The following SFMBT2 variants were observed in gnomAD, a reference collection of about 807,000 sequenced individuals.
The protein encoded by SFMBT2 is scm-like with four MBT domains protein 2.
A neutral mutation model predicts 110.1 loss-of-function variants in SFMBT2; 38 were observed. The ratio of observed to expected loss-of-function variants is 0.35; its 90% CI spans 0.27 to 0.45. SFMBT2 has a LOEUF of 0.45. SFMBT2 is among the 20% of genes least tolerant of loss of function. SFMBT2 has a pLI of 1.00. For missense variants in SFMBT2, 1,011 were observed against 1,094.9 expected, an observed-to-expected ratio of 0.92 and a Z score of 1.08; for synonymous variants, 425 against 425.4, an observed-to-expected ratio of 1.00 and a Z score of 0.01.
At chr10:7,252,157 C>G (rs1201358399) in intron 7 of SFMBT2, among the ~76,000 whole-genome samples, 1 of 152,222 alleles carries the variant, frequency 6.6e-6, no homozygotes, top group Non-Finnish European at 1.5e-5. Flanking sequence ...CAAATCCACA[C>G]CCATCTTTTA....
chr10:7,252,214 C>T (rs562654945), intron 7 of SFMBT2, among the ~76,000 whole-genome samples: 3 of 152,288 alleles, frequency 2.0e-5, no homozygotes, highest in African/African-American at 4.8e-5. Flanking sequence ...CATAGCTCCC[C>T]GTGCTGTGTG....
chr10:7,211,840 G>A (rs1054226893), intron 11 of SFMBT2, among the ~76,000 whole-genome samples: 66 of 152,274 alleles, frequency 4.3e-4, no homozygotes, highest in African/African-American at 1.5e-3. Flanking sequence ...GCCAGTTACG[G>A]AAAAACTTAA....
chr10:7,200,276 G>A (rs918735099), intron 14 of SFMBT2, 138 bp downstream of exon 14: 14 of 595,650 alleles, frequency 2.4e-5, no homozygotes, highest in African/African-American at 1.5e-4. Context: ...GTAGGTATCC[G>A]TTCCTGAGTG....
At position 7,339,428 on chromosome 10, in the gene SFMBT2, A is replaced by T. The variant is rs77901511; in HGVS notation, c.436+28221T>A. Among the ~76,000 whole-genome samples the T allele has an allele frequency of 2.7e-3, 409 of 152,308 alleles. 3 individuals carry two copies. The highest frequency in any genetic ancestry group is 9.0e-3 in the African/African-American group (375 of 41,566). On this transcript the variant is annotated intron_variant, in intron 4 of 20. Coordinates refer to ENST00000397167, the MANE Select transcript of SFMBT2 (RefSeq NM_001387889.1). Reference sequence around the variant, plus strand: ...TGGATATGTTCTTAACATCAGAAAAATGCTAAGAGCTGAAGATACTTCTTT... The same window carrying T: ...TGGATATGTTCTTAACATCAGAAAATTGCTAAGAGCTGAAGATACTTCTTT...
chr10:7,249,162 A>C, intron 7 of SFMBT2: 6 of 572,126 alleles, frequency 1.0e-5, no homozygotes, highest in Non-Finnish European at 1.3e-5. Context: ...AGGGGTACTC[A>C]AGATCCCATG....
chr10:7,205,961 A>G (rs1484412116), intron 11 of SFMBT2, 33 bp from the exon 12 acceptor site: 2 of 1,611,840 alleles, frequency 1.2e-6, no homozygotes, highest in Non-Finnish European at 1.7e-6. Flanking sequence ...AAGAGGTACA[A>G]ACAGATCTTA....
chr10:7,178,119 C>T (rs575857408), intron 16 of SFMBT2, among the ~76,000 whole-genome samples: 69 of 152,324 alleles, frequency 4.5e-4, no homozygotes, highest in Non-Finnish European at 4.3e-4. Flanking sequence ...AAGGCTCATT[C>T]CTCCGGTGGT....
intron 3 of SFMBT2, 56 bp downstream of exon 3, chr10:7,370,225 G>T (rs1845024494): frequency 1.3e-6 from 2 of 1,494,364 alleles, no homozygotes; most frequent in African/African-American, 2.8e-5. Flanking sequence ...TCTCCCTATA[G>T]ATTCCTTCCC....
chr10:7,381,737 T>C (rs1845428030), intron 2 of SFMBT2, 62 bp downstream of exon 2: 1 of 1,540,524 alleles, frequency 6.5e-7, no homozygotes, highest in Non-Finnish European at 8.9e-7. Context: ...TCCTGAATAC[T>C]TTCAGGAAGA....
Position 7,181,315 on chromosome 10 carries a change from T to G in SFMBT2, c.1809-5150A>C, listed in dbSNP as rs139243595. 2.0e-5 allele frequency among the ~76,000 whole-genome samples: 3 copies of G among 151,416 alleles called. No homozygotes were observed. The East Asian group carries it at 5.8e-4, about 29-fold the overall frequency. On this transcript the variant is annotated intron_variant, in intron 16 of 20. Coordinates refer to ENST00000397167, the MANE Select transcript of SFMBT2 (RefSeq NM_001387889.1). ...TTCAAAATACTCCAAATTCTGAAATTTTTGAGTGTCAACATAATATAAGTA... is the reference window on the plus strand; with the variant it reads ...TTCAAAATACTCCAAATTCTGAAATGTTTGAGTGTCAACATAATATAAGTA...
At chr10:7,272,447 C>G (rs1841616373) in intron 7 of SFMBT2, among the ~76,000 whole-genome samples, 2 of 152,174 alleles carry the variant, frequency 1.3e-5, no homozygotes, top group African/African-American at 4.8e-5. Flanking sequence ...GAAACGAGTC[C>G]CACCAGATAT....
intron 11 of SFMBT2, chr10:7,214,555 A>C: frequency 1.0e-6 from 1 of 985,420 alleles, no homozygotes; most frequent in African/African-American, 1.7e-5. Flanking sequence ...CCTATGAGGA[A>C]ATTCTACGGA....
In SFMBT2 at chr10:7,408,248, G is replaced by T. The variant is rs1339123384; in HGVS notation, c.-52+2613C>A. 6.6e-6 allele frequency among the ~76,000 whole-genome samples: 1 copy of T among 152,198 alleles called. No individual in the cohort carries two copies. The highest frequency in any genetic ancestry group is 2.4e-5 in the African/African-American group (1 of 41,454). On this transcript the variant is annotated intron_variant, in intron 1 of 20. Transcript: ENST00000397167. This position sits in a 1 kb window ranked among gnomAD's most constrained non-coding sequence, Gnocchi z 5.7. ...CGGCCCCGGGAGGGCGCGCCCAAAC[G>T]CAGGCTGGAGGAGCCACGGACGCGT... is the stretch of plus-strand genomic sequence containing the variant.
chr10:7,191,047 C>T (rs1274373553), intron 15 of SFMBT2, among the ~76,000 whole-genome samples: 1 of 152,178 alleles, frequency 6.6e-6, no homozygotes, highest in Non-Finnish European at 1.5e-5. Context: ...TGCCGTCTGC[C>T]ATGATTGTGA....
chr10:7,228,270 CAG>C, intron 9 of SFMBT2: 2 of 354,280 alleles, frequency 5.6e-6, no homozygotes, highest in Non-Finnish European at 3.9e-6. Context: ...ACGCACTGTG[CAG>C]AGATAGACAA....
chr10:7,297,216 G>C (rs944481731), intron 4 of SFMBT2, among the ~76,000 whole-genome samples: 10 of 152,220 alleles, frequency 6.6e-5, no homozygotes, highest in African/African-American at 2.2e-4. Flanking sequence ...GCCTTTGAGA[G>C]TGCACAGAAG....
In SFMBT2 at chr10:7,163,691, G is replaced by T; in HGVS notation, c.*79C>A. ...GTGGCTGTACCATTTAACATATCCC[G>T]GAAAATCAAAGTTTCAGTCCTGGAA... is the stretch of plus-strand genomic sequence containing the variant. On this transcript the variant is annotated 3_prime_UTR_variant, in exon 21 of 21. Transcript: ENST00000397167. This position sits in a 1 kb window ranked among gnomAD's most constrained non-coding sequence, Gnocchi z 4.8. 7.5e-7 allele frequency: 1 copy of T among 1,338,786 alleles called. No homozygotes were observed. Among genetic ancestry groups the T allele is most frequent in the Non-Finnish European group, 1.0e-6 (1 of 953,072 alleles). The allele number at this position is 1,338,786 out of a possible 1,614,324, so 82.9% of individuals were successfully genotyped here.
intron 9 of SFMBT2, among the ~76,000 whole-genome samples, chr10:7,230,594 T>A (rs1840088731): frequency 6.6e-6 from 1 of 152,134 alleles, no homozygotes. Flanking sequence ...AAAAGTAGAT[T>A]AAATCTTCTG....
At chr10:7,236,899 T>C (rs1274318318) in intron 9 of SFMBT2, among the ~76,000 whole-genome samples, 2 of 152,008 alleles carry the variant, frequency 1.3e-5, no homozygotes, top group South Asian at 2.1e-4. Context: ...TTAGAATATA[T>C]AAACTACTTC....
Sources: gnomAD v4.1 joint callset for allele counts (sites outside exome capture counted in the v4.1 genomes callset) on GRCh38, gnomAD v4.1.1 for gene constraint, Gnocchi (gnomAD v3.1) non-coding constraint, MANE v1.5 for transcripts, NCBI Gene and HGNC (gene_info 2026-07-23, HGNC 2026-07-21) for gene names.